Variants in PTCH2 observed in about 807,000 individuals in gnomAD.
PTCH2 encodes the protein protein patched homolog 2.
PTCH2 carries 96 observed loss-of-function variants against 117.9 expected under a neutral mutation model. The observed-to-expected ratio is 0.81, with a 90% CI of 0.69 to 0.96. PTCH2 has a LOEUF of 0.96. Ranked by LOEUF, PTCH2 falls within the 50% of genes least tolerant of loss-of-function variation. The pLI is 0.00. For synonymous variants in PTCH2, 615 were observed against 660.9 expected, an observed-to-expected ratio of 0.93 and a Z score of 1.06; for missense variants, 1,379 against 1,562.5, an observed-to-expected ratio of 0.88 and a Z score of 1.98.
At chr1:44,819,997 T>C (rs368827055), downstream of PTCH2, 15 of 157,094 alleles carry the variant, frequency 9.5e-5, no homozygotes, top group South Asian at 6.3e-4. Context: ...AACCCGAGTA[T>C]ATTCGTGACT....
rs757622598 is a variant in PTCH2, at chr1:44,822,563, C to G, written c.3464G>C (p.Arg1155Thr). ...GGCCACGGTCATGGAGGTAGTCACT[C>G]TGGCAAAGCTCTGGGGCAGGGAGGA... ...ASSSLPQSFA[R>T]VTTSMTVAIH... is the part of the protein sequence containing the mutation. The change falls in exon 22 of 22, where the codon AGA becomes ACA. Residue 1155 changes from arginine to threonine, a missense_variant. Arg to Thr is a moderately conservative substitution (Grantham distance 71). Transcript: ENST00000372192. 6.2e-7 allele frequency: 1 copy of G among 1,614,078 alleles called. No homozygotes were observed. The highest frequency in any genetic ancestry group is 1.1e-5 in the South Asian group (1 of 91,086).
Position 44,826,439 on chromosome 1 carries a change from G to A in PTCH2, c.2976+49C>T. 6.2e-7 allele frequency: 1 copy of A among 1,613,824 alleles called. No homozygotes were observed. On this transcript the variant is annotated intron_variant, in intron 18 of 21. Transcript: ENST00000372192. The surrounding 1 kb of genome is among the most constrained non-coding windows in gnomAD (Gnocchi z 5.1). ...CTCCTGGCAGGAGGGATGACAGGCTGGGCAGGGAAGGGTGGGGTGTCTCTG... is the reference window on the plus strand; with the variant it reads ...CTCCTGGCAGGAGGGATGACAGGCTAGGCAGGGAAGGGTGGGGTGTCTCTG...
intron 2 of PTCH2, among the ~76,000 whole-genome samples, chr1:44,837,016 A>G (rs1653719497): frequency 6.6e-6 from 1 of 152,218 alleles, no homozygotes; most frequent in Admixed American, 6.5e-5. Flanking sequence ...CTGACACTGC[A>G]GCAGCCACTT....
chr1:44,830,122 T>C (rs1653366663), intron 6 of PTCH2, 92 bp from the exon 7 acceptor site: 2 of 1,536,378 alleles, frequency 1.3e-6, no homozygotes, highest in Non-Finnish European at 1.8e-6. Context: ...CACGCTGCCA[T>C]GAAGCTCAGT....
intron 21 of PTCH2, among the ~76,000 whole-genome samples, 154 bp from the exon 22 acceptor site, chr1:44,822,823 G>A (rs1388807475): frequency 6.6e-6 from 1 of 152,170 alleles, no homozygotes; most frequent in African/African-American, 2.4e-5. Flanking sequence ...GGATGTTGAG[G>A]CCTGGGGCAA....
At position 44,822,042 on chromosome 1, in the gene PTCH2, G is replaced by T; in HGVS notation, c.*373C>A. On this transcript the variant is annotated 3_prime_UTR_variant, in exon 22 of 22. Transcript: ENST00000372192. ...AGACATTTTCATATAAATAATGGATGTGGTAGGAGGTGGGCAGGGATATGG... is the reference window on the plus strand; with the variant it reads ...AGACATTTTCATATAAATAATGGATTTGGTAGGAGGTGGGCAGGGATATGG... 7.4e-7 allele frequency: 1 copy of T among 1,343,174 alleles called. No individual in the cohort carries two copies. The highest frequency in any genetic ancestry group is 9.7e-7 in the Non-Finnish European group (1 of 1,034,472). 83.2% of individuals were successfully genotyped at this position (1,343,174 alleles called of 1,614,324 possible).
rs1653015625 is a variant in PTCH2, at chr1:44,823,703, C to T, written c.3115-318G>A. Among the ~76,000 whole-genome samples, 1 of 151,880 alleles carries T rather than the reference C, an allele frequency of 6.6e-6. No homozygotes were observed. Among genetic ancestry groups the T allele is most frequent in the Non-Finnish European group, 1.5e-5 (1 of 68,006 alleles). On this transcript the variant is annotated intron_variant, in intron 19 of 21. Transcript: ENST00000372192. This position sits in a 1 kb window ranked among gnomAD's most constrained non-coding sequence, Gnocchi z 5.1. ...CCTGTAATCCCAGCACTTTGGGAGG[C>T]TGAGGTGGGTGGATCACCTGAGGTT...
Position 44,841,848 on chromosome 1 carries a change from T to G in PTCH2, c.264A>C (p.Glu88Asp), listed in dbSNP as rs750988052. 1 of 1,614,148 alleles carries G rather than the reference T, an allele frequency of 6.2e-7. No homozygotes were observed. Among genetic ancestry groups the G allele is most frequent in the Middle Eastern group, 1.6e-4 (1 of 6,062 alleles). Residue 88 changes from glutamate (E) to aspartate (D), a missense_variant and splice_region_variant, in exon 2 of 22, where the codon GAA (glutamate) becomes GAC (aspartate). By Grantham distance (45) the Glu-to-Asp change is conservative (BLOSUM62 2). Coordinates refer to ENST00000372192, the MANE Select transcript of PTCH2 (RefSeq NM_003738.5). ...CTATGGCCAGTGTCCACAACTTACC[T>G]TCTACCCAGAGCTGTTCCAAGTTTG... ...IETNLEQLWV[E>D]VGSRVSQELH...
At chr1:44,832,430 A>G (rs1019151259) in intron 2 of PTCH2, 89 bp from the exon 3 acceptor site, 2 of 1,375,296 alleles carry the variant, frequency 1.5e-6, no homozygotes, top group Non-Finnish European at 2.1e-6. Flanking sequence ...AGGCCTCCCC[A>G]GACAAGTGGG....
chr1:44,831,191 A>G lies in PTCH2; in HGVS notation c.618-148T>C, dbSNP rs1204627989. 1.2e-6 allele frequency: 1 copy of G among 837,324 alleles called. No homozygotes were observed. The highest frequency in any genetic ancestry group is 1.9e-6 in the Non-Finnish European group (1 of 538,552). 51.9% of individuals were successfully genotyped at this position (837,324 alleles called of 1,614,324 possible). ...GGTGTGCAAGCCTCAGCTTCTCAGA[A>G]CTGCCAGGCTGCATGGGCCCACCAG... On this transcript the variant is annotated intron_variant, in intron 5 of 21. Transcript: ENST00000372192. This position sits in a 1 kb window ranked among gnomAD's most constrained non-coding sequence, Gnocchi z 4.3.
downstream of PTCH2, chr1:44,820,634 C>G (rs1167592465): frequency 1.4e-6 from 1 of 709,278 alleles, no homozygotes; most frequent in Non-Finnish European, 2.6e-6. Flanking sequence ...TCAGCCTGTC[C>G]AGACAGTGGC....
intron 19 of PTCH2, among the ~76,000 whole-genome samples, chr1:44,824,612 C>T (rs376771188): frequency 6.6e-6 from 1 of 151,980 alleles, no homozygotes; most frequent in Non-Finnish European, 1.5e-5. Context: ...ATCCTCCCGC[C>T]TCAACCTCCT....
intron 2 of PTCH2, among the ~76,000 whole-genome samples, chr1:44,832,736 CAAG>C (rs1653514286): frequency 6.6e-6 from 1 of 152,076 alleles, no homozygotes; most frequent in South Asian, 2.1e-4. Context: ...GTGGGGAGGA[CAAG>C]GAGGGCCAAT....
rs1653274713 is a variant in PTCH2, at chr1:44,828,582, G to A, written c.1514C>T (p.Thr505Ile). The part of the protein sequence containing the change: ...LQRTGTSVVL[T>I]SINNMAAFLM... ...GAAGGCGGCCATGTTGTTGATGGAT[G>A]TGAGTACGACACTGGTGCCCGTGCG... Residue 505 changes from threonine (T) to isoleucine (I), a missense_variant, in exon 12 of 22, where the codon ACA becomes ATA. Thr to Ile is a moderately conservative substitution (Grantham distance 89). Coordinates refer to ENST00000372192, the MANE Select transcript of PTCH2 (RefSeq NM_003738.5). The A allele has an allele frequency of 1.2e-6, 2 of 1,613,856 alleles. No homozygotes were observed. Among genetic ancestry groups the A allele is most frequent in the African/African-American group, 1.3e-5 (1 of 74,944 alleles).
chr1:44,820,662 A>C, downstream of PTCH2: 1 of 716,060 alleles, frequency 1.4e-6, no homozygotes, highest in Non-Finnish European at 2.6e-6. Flanking sequence ...GTGTCTGATG[A>C]GGGGGTGCTG....
chr1:44,835,227 T>G (rs1166687086), intron 2 of PTCH2, among the ~76,000 whole-genome samples: 1 of 152,116 alleles, frequency 6.6e-6, no homozygotes, highest in East Asian at 1.9e-4. Context: ...CAGTTAATGT[T>G]TGTATTTTTT....
In PTCH2 at chr1:44,828,589, C is replaced by T. The variant is rs147284320; in HGVS notation, c.1507G>A (p.Val503Ile). 1.0e-4 allele frequency: 164 copies of T among 1,613,818 alleles called. No individual in the cohort carries two copies. Among genetic ancestry groups the T allele is most frequent in the African/African-American group, 6.4e-4 (48 of 75,042 alleles). The change falls in exon 12 of 22, where the codon GTA (valine) becomes ATA (isoleucine). Residue 503 changes from valine (V) to isoleucine (I), a missense_variant. Coordinates refer to ENST00000372192, the MANE Select transcript of PTCH2 (RefSeq NM_003738.5). ...GCCATGTTGTTGATGGATGTGAGTA[C>T]GACACTGGTGCCCGTGCGCTGCAGA... ...ECLQRTGTSV[V>I]LTSINNMAAF... is the part of the protein sequence containing the mutation.
In PTCH2 at chr1:44,829,984, G is replaced by T. The variant is rs1458470156; in HGVS notation, c.860C>A (p.Ser287Tyr). The change falls in exon 7 of 22, where the codon TCC (serine) becomes TAC (tyrosine). Residue 287 changes from serine to tyrosine, a missense_variant. Transcript: ENST00000372192. The stretch of plus-strand genomic sequence containing the variant: ...CTCCTGCCAGTGCATGAATTTGTGG[G>T]AGAAGCCATGGCAGCCCCCACTCAG... The part of the protein sequence containing the change: ...HELSGGCHGF[S>Y]HKFMHWQEEL... 1 of 1,614,168 alleles carries T rather than the reference G, an allele frequency of 6.2e-7. No homozygotes were observed.
chr1:44,821,691 C>T (rs931791702), downstream of PTCH2: 2 of 864,650 alleles, frequency 2.3e-6, no homozygotes, highest in Non-Finnish European at 1.4e-6. Context: ...TTTCTGCTCT[C>T]GGTCTCCAGA....
Sources: allele counts gnomAD v4.1 joint callset (sites outside exome capture counted in the v4.1 genomes callset), GRCh38; gene constraint gnomAD v4.1.1; non-coding constraint Gnocchi (gnomAD v3.1); transcripts MANE v1.5; gene names NCBI Gene and HGNC (gene_info 2026-07-23, HGNC 2026-07-21).